The following ANO10 variants were observed in gnomAD, a reference collection of about 807,000 sequenced individuals.
ANO10 encodes anoctamin-10.
A neutral mutation model predicts 74.7 loss-of-function variants in ANO10; 77 were observed. The observed-to-expected ratio is 1.03, with a 90% CI of 0.86 to 1.25. The LOEUF is 1.25. Among genes scored for constraint, ANO10 ranks in the 50% most tolerant of loss-of-function variants. The pLI, the probability that ANO10 is intolerant of heterozygous loss-of-function variation, is 0.00. For missense variants in ANO10, 721 were observed against 778.1 expected (o/e 0.93, Z 0.87); for synonymous variants, 279 against 284.9 (o/e 0.98, Z 0.21).
At chr3:43,439,974 A>G (rs969316822) in intron 11 of ANO10, among the ~76,000 whole-genome samples, 1 of 152,194 alleles carries the variant, frequency 6.6e-6, no homozygotes, top group African/African-American at 2.4e-5. Context: ...TGAAGTTTTT[A>G]TCAGTTTAAA....
chr3:43,681,369 G>T (rs543706920), intron 1 of ANO10, among the ~76,000 whole-genome samples: 1 of 152,226 alleles, frequency 6.6e-6, no homozygotes, highest in African/African-American at 2.4e-5. Flanking sequence ...AATTCAACAA[G>T]AAGAGCTAAC....
intron 11 of ANO10, among the ~76,000 whole-genome samples, chr3:43,435,750 G>A (rs1213531266): frequency 6.6e-6 from 1 of 152,152 alleles, no homozygotes; most frequent in African/African-American, 2.4e-5. Flanking sequence ...AAGCATCAGT[G>A]GGAAGGTTAA....
intron 10 of ANO10, among the ~76,000 whole-genome samples, chr3:43,552,726 A>ATATATATATG (rs1553710721): frequency 2.9e-4 from 28 of 95,566 alleles, no homozygotes; most frequent in Non-Finnish European, 5.7e-4. Flanking sequence ...ATATATATAT[A>ATATATATATG]TATGTATGTA....
chr3:43,481,433 C>G (rs2076265062), intron 11 of ANO10, among the ~76,000 whole-genome samples: 1 of 152,166 alleles, frequency 6.6e-6, no homozygotes, highest in Non-Finnish European at 1.5e-5. Flanking sequence ...AGCTCCCCAT[C>G]TGACTGAGGG....
intron 8 of ANO10, among the ~76,000 whole-genome samples, chr3:43,564,197 T>G (rs1247991006): frequency 1.3e-5 from 2 of 152,144 alleles, no homozygotes; most frequent in East Asian, 3.9e-4. Context: ...CACACCCAGG[T>G]AACTTTTTGT....
At chr3:43,403,299 GA>G (rs2092516608) in intron 12 of ANO10, among the ~76,000 whole-genome samples, 1 of 152,254 alleles carries the variant, frequency 6.6e-6, no homozygotes, top group Admixed American at 6.5e-5. Flanking sequence ...CTGTCAGAGA[GA>G]AACAGAACCC....
intron 1 of ANO10, among the ~76,000 whole-genome samples, chr3:43,644,085 TTTG>T (rs2083702239): frequency 4.9e-5 from 7 of 143,146 alleles, no homozygotes; most frequent in Admixed American, 4.8e-4. Flanking sequence ...CCCTGATTTT[TTTG>T]TTTGTTTGTT....
chr3:43,603,137 T>C (rs2082410414), intron 2 of ANO10, among the ~76,000 whole-genome samples: 1 of 152,180 alleles, frequency 6.6e-6, no homozygotes, highest in African/African-American at 2.4e-5. Flanking sequence ...GTTGCTGTCT[T>C]ATCATTTGCA....
chr3:43,386,064 G>C (rs34112359), intron 12 of ANO10, among the ~76,000 whole-genome samples: 1 of 152,070 alleles, frequency 6.6e-6, no homozygotes, highest in African/African-American at 2.4e-5. Flanking sequence ...CATGGACAAG[G>C]GGGGAATAAA....
chr3:43,498,392 G>A (rs1181396975), intron 11 of ANO10, among the ~76,000 whole-genome samples: 1 of 152,228 alleles, frequency 6.6e-6, no homozygotes, highest in Non-Finnish European at 1.5e-5. Context: ...GGGAAGAACT[G>A]TGTAGTAGGG....
chr3:43,653,549 T>C (rs1298118296), intron 1 of ANO10, among the ~76,000 whole-genome samples: 2 of 152,244 alleles, frequency 1.3e-5, no homozygotes, highest in African/African-American at 2.4e-5. Context: ...ATACTTTGAA[T>C]AATCATCTTA....
At chr3:43,376,027 T>C (rs2091793652) in intron 12 of ANO10, among the ~76,000 whole-genome samples, 1 of 152,208 alleles carries the variant, frequency 6.6e-6, no homozygotes, top group African/African-American at 2.4e-5. Flanking sequence ...TGGTGGTTCA[T>C]TGCTGTGTGT....
intron 11 of ANO10, among the ~76,000 whole-genome samples, chr3:43,524,531 C>T (rs1479062118): frequency 4.6e-5 from 7 of 152,120 alleles, no homozygotes; most frequent in Admixed American, 3.9e-4. Flanking sequence ...TCCCCAAGTA[C>T]CCTGTGCAAT....
chr3:43,468,173 TA>T (rs1363422796), intron 11 of ANO10, among the ~76,000 whole-genome samples: 2 of 152,228 alleles, frequency 1.3e-5, no homozygotes, highest in Non-Finnish European at 2.9e-5. Context: ...CTTATGTGTT[TA>T]AAAAATTGCT....
intron 7 of ANO10, among the ~76,000 whole-genome samples, chr3:43,566,200 CG>C (rs1256787013): frequency 9.8e-5 from 15 of 152,306 alleles, no homozygotes; most frequent in African/African-American, 3.6e-4. Context: ...CACGGAGTCT[CG>C]CTGATTGCTA....
chr3:43,566,814 C>T (rs907453605), intron 7 of ANO10, among the ~76,000 whole-genome samples: 3 of 152,184 alleles, frequency 2.0e-5, no homozygotes, highest in African/African-American at 7.2e-5. Context: ...TCCTCAGCAA[C>T]GGAACAAAGC....
chr3:43,529,143 A>C (rs1352258143), intron 11 of ANO10, among the ~76,000 whole-genome samples: 1 of 152,214 alleles, frequency 6.6e-6, no homozygotes, highest in Non-Finnish European at 1.5e-5. Flanking sequence ...TCCAAACAAA[A>C]TGACCAAGTC....
intron 1 of ANO10, among the ~76,000 whole-genome samples, chr3:43,683,977 C>G (rs1485001103): frequency 6.6e-6 from 1 of 152,138 alleles, no homozygotes; most frequent in Non-Finnish European, 1.5e-5. Context: ...CATAAAAACC[C>G]TAGAAGAAAA....
chr3:43,396,351 T>C (rs1476621730), intron 12 of ANO10, among the ~76,000 whole-genome samples: 1 of 152,186 alleles, frequency 6.6e-6, no homozygotes, highest in Non-Finnish European at 1.5e-5. Context: ...ATAAGGTTTT[T>C]TTTTTGAGAT....
Sources: allele counts gnomAD v4.1 joint callset (sites outside exome capture counted in the v4.1 genomes callset), GRCh38; gene constraint gnomAD v4.1.1; transcripts MANE v1.5; gene names NCBI Gene and HGNC (gene_info 2026-07-23, HGNC 2026-07-21).